The following NAA25 variants were observed in gnomAD, a reference collection of about 807,000 sequenced individuals.
The protein encoded by NAA25 is N-alpha-acetyltransferase 25, NatB auxiliary subunit.
In NAA25, 30 loss-of-function variants were observed where a neutral mutation model predicts 132.5. The ratio of observed to expected loss-of-function variants is 0.23; its 90% CI spans 0.17 to 0.31. The LOEUF (loss-of-function observed/expected upper bound fraction) is 0.31, where lower values mean the gene tolerates loss of function less well. NAA25 is among the 10% of genes least tolerant of loss of function. The pLI is 1.00. For synonymous variants in NAA25, 359 were observed against 401.9 expected (o/e 0.89, Z 1.28); for missense variants, 771 against 1,150.4 (o/e 0.67, Z 4.77).
chr12:112,066,984 T>G (rs772481951), intron 11 of NAA25, among the ~76,000 whole-genome samples: 1 of 152,194 alleles, frequency 6.6e-6, no homozygotes, highest in Non-Finnish European at 1.5e-5. Context: ...AGCCCTGTTA[T>G]AGAAAGACTT....
chr12:112,040,292 G>A, intron 21 of NAA25, 189 bp downstream of exon 21: 1 of 473,762 alleles, frequency 2.1e-6, no homozygotes, highest in Admixed American at 4.2e-5. Flanking sequence ...TATTATGAAT[G>A]AAATCATCTT....
At chr12:112,091,623 G>A (rs971592246) in intron 2 of NAA25, among the ~76,000 whole-genome samples, 2 of 151,932 alleles carry the variant, frequency 1.3e-5, no homozygotes, top group African/African-American at 4.8e-5. Flanking sequence ...AGTCCGGGGG[G>A]TCAAAGCTGC....
At chr12:112,033,690 C>T (rs2078181847) in intron 22 of NAA25, 2 of 179,662 alleles carry the variant, frequency 1.1e-5, no homozygotes, top group African/African-American at 2.4e-5. Flanking sequence ...CTAAACATCA[C>T]ACAAAGCTAA....
intron 11 of NAA25, among the ~76,000 whole-genome samples, chr12:112,067,653 T>C (rs1218082764): frequency 6.6e-6 from 1 of 151,822 alleles, no homozygotes; most frequent in Non-Finnish European, 1.5e-5. Flanking sequence ...GAGGTTGCAA[T>C]GAGCCTGGGC....
At chr12:112,062,645 G>A (rs2078651912) in intron 11 of NAA25, among the ~76,000 whole-genome samples, 2 of 151,676 alleles carry the variant, frequency 1.3e-5, no homozygotes, top group African/African-American at 4.8e-5. Context: ...AGAATCGCTT[G>A]AACCCAGGAG....
At chr12:112,078,299 G>GA (rs1453799389) in intron 6 of NAA25, 33 bp from the exon 7 acceptor site, 1 of 1,444,622 alleles carries the variant, frequency 6.9e-7, no homozygotes, top group Admixed American at 2.1e-5. Context: ...TGCAACCTCT[G>GA]AAACTTTTCA....
At position 112,028,393 on chromosome 12, in the gene NAA25, T is replaced by C. The variant is rs1202840215; in HGVS notation, c.*1138A>G. On this transcript the variant is annotated 3_prime_UTR_variant, in exon 24 of 24. Coordinates refer to ENST00000261745, the MANE Select transcript of NAA25 (RefSeq NM_024953.4). ...CCTCTTCTATCAGACCAACCACTGATAGAAGAAGCTAGAGTCTTGGGGACA... is the reference window on the plus strand; with the variant it reads ...CCTCTTCTATCAGACCAACCACTGACAGAAGAAGCTAGAGTCTTGGGGACA... The C allele has an allele frequency of 2.0e-5, 3 of 152,544 alleles. No individual in the cohort carries two copies. Among genetic ancestry groups the C allele is most frequent in the African/African-American group, 4.8e-5 (2 of 41,426 alleles). 9.4% of individuals were successfully genotyped at this position (152,544 alleles called of 1,614,324 possible).
chr12:112,037,500 A>G (rs971887070), intron 22 of NAA25: 1 of 147,958 alleles, frequency 6.8e-6, no homozygotes, highest in African/African-American at 2.5e-5. Flanking sequence ...CAGTGGGTGA[A>G]GGGCCATTGG....
intron 13 of NAA25, among the ~76,000 whole-genome samples, chr12:112,057,314 A>T (rs1282601222): frequency 6.6e-6 from 1 of 152,244 alleles, no homozygotes; most frequent in African/African-American, 2.4e-5. Context: ...ATATGGCCAC[A>T]TATATTGCTC....
chr12:112,104,680 C>G (rs776088696), intron 1 of NAA25, among the ~76,000 whole-genome samples: 1 of 152,030 alleles, frequency 6.6e-6, no homozygotes, highest in Non-Finnish European at 1.5e-5. Context: ...ACTAAAAATA[C>G]AAAAAATTAA....
intron 1 of NAA25, among the ~76,000 whole-genome samples, chr12:112,094,055 T>C (rs1442546552): frequency 1.3e-5 from 2 of 151,444 alleles, no homozygotes; most frequent in Non-Finnish European, 2.9e-5. Flanking sequence ...CTGGCTAACA[T>C]GGTGGAAAAC....
At chr12:112,103,744 T>C (rs903945968) in intron 1 of NAA25, among the ~76,000 whole-genome samples, 1 of 152,142 alleles carries the variant, frequency 6.6e-6, no homozygotes, top group Non-Finnish European at 1.5e-5. Context: ...TAGGGACCGA[T>C]TTCATGAAAG....
chr12:112,053,687 A>T (rs1454710824), intron 14 of NAA25, 30 bp from the exon 15 acceptor site: 2 of 1,518,224 alleles, frequency 1.3e-6, no homozygotes, highest in Non-Finnish European at 1.8e-6. Flanking sequence ...GGAAAAAAAA[A>T]GACATGTTAT....
intron 16 of NAA25, among the ~76,000 whole-genome samples, chr12:112,047,992 G>C (rs996162749): frequency 1.3e-5 from 2 of 152,122 alleles, no homozygotes; most frequent in Non-Finnish European, 2.9e-5. Flanking sequence ...AAAACAAAGG[G>C]GATCAGCATT....
chr12:112,064,094 A>T (rs2078677675), intron 11 of NAA25: 1 of 152,102 alleles, frequency 6.6e-6, no homozygotes, highest in South Asian at 2.1e-4. Context: ...ACAAAATCCT[A>T]CTCATCCTGC....
intron 4 of NAA25, among the ~76,000 whole-genome samples, chr12:112,085,923 A>G (rs1384731921): frequency 7.0e-6 from 1 of 142,302 alleles, no homozygotes; most frequent in Non-Finnish European, 1.5e-5. Flanking sequence ...AGGCTGAGGC[A>G]GAAGAATCGC....
intron 4 of NAA25, among the ~76,000 whole-genome samples, chr12:112,082,902 T>C (rs536561469): frequency 7.8e-4 from 118 of 152,148 alleles, no homozygotes; most frequent in African/African-American, 2.7e-3. Flanking sequence ...ACAAAAAACA[T>C]TCAAGAAAGT....
intron 17 of NAA25, among the ~76,000 whole-genome samples, chr12:112,045,486 C>CAAAA (rs75644384): frequency 2.5e-5 from 2 of 80,594 alleles, no homozygotes; most frequent in Middle Eastern, 6.3e-3. Context: ...GACTCCATCA[C>CAAAA]AAAAAAAAAA....
At chr12:112,090,421 TTATTC>T (rs541680928) in intron 3 of NAA25, 178 of 236,064 alleles carry the variant, frequency 7.5e-4, no homozygotes, top group African/African-American at 3.8e-3. Context: ...ATGGGGTTTA[TTATTC>T]TATTCTATTT....
Sources: allele counts gnomAD v4.1 joint callset (sites outside exome capture counted in the v4.1 genomes callset), GRCh38; gene constraint gnomAD v4.1.1; transcripts MANE v1.5; gene names NCBI Gene and HGNC (gene_info 2026-07-23, HGNC 2026-07-21).